The following KATNAL2 variants were observed in gnomAD, a reference collection of about 807,000 sequenced individuals.
The protein encoded by KATNAL2 is katanin catalytic subunit A1 like 2, also known as katanin p60 ATPase-containing subunit A-like 2.
A neutral mutation model predicts 76.3 loss-of-function variants in KATNAL2; 52 were observed. That is an observed-to-expected ratio of 0.68 (90% CI 0.55 to 0.86). KATNAL2 has a LOEUF of 0.86. Ranked by LOEUF, KATNAL2 falls within the 40% of genes least tolerant of loss-of-function variation. KATNAL2 has a pLI of 0.00. For synonymous variants in KATNAL2, 243 were observed against 244.2 expected (o/e 1.00, Z 0.05); for missense variants, 660 against 668.9 (o/e 0.99, Z 0.15).
chr18:47,093,816 G>A (rs1434691949), intron 15 of KATNAL2, among the ~76,000 whole-genome samples: 1 of 152,160 alleles, frequency 6.6e-6, no homozygotes, highest in Non-Finnish European at 1.5e-5. Flanking sequence ...GGCCTTGTGT[G>A]TCTTTCTTGT....
At chr18:47,067,368 A>G (rs1283384840) in intron 11 of KATNAL2, among the ~76,000 whole-genome samples, 1 of 152,224 alleles carries the variant, frequency 6.6e-6, no homozygotes, top group Non-Finnish European at 1.5e-5. Flanking sequence ...ATCTAAGACC[A>G]TAGTATACAT....
At position 47,077,470 on chromosome 18, in the gene KATNAL2, C is replaced by T; in HGVS notation, c.1211+9C>T. The T allele has an allele frequency of 1.3e-6, 2 of 1,592,360 alleles. No homozygotes were observed. Among genetic ancestry groups the T allele is most frequent in the South Asian group, 1.1e-5 (1 of 90,558 alleles). ...GCTTCTAACCTGCCGTGGTAAGAGA[C>T]CAAGAGAGTAAATTTTGAATACATT... On this transcript the variant is annotated intron_variant, in intron 15 of 17. Coordinates refer to ENST00000683218, the MANE Select transcript of KATNAL2 (RefSeq NM_001387690.1).
At chr18:47,033,213 A>T (rs2060569099) in intron 3 of KATNAL2, 4 of 1,613,744 alleles carry the variant, frequency 2.5e-6, no homozygotes, top group Non-Finnish European at 3.4e-6. Context: ...GGCTGGAGGG[A>T]GTGTGGCTGC....
chr18:46,937,532 A>G (rs909524152), intron 1 of KATNAL2, among the ~76,000 whole-genome samples: 28 of 152,228 alleles, frequency 1.8e-4, no homozygotes, highest in African/African-American at 6.7e-4. Context: ...ATAATAATGT[A>G]TCAATGTTTG....
intron 10 of KATNAL2, among the ~76,000 whole-genome samples, chr18:47,066,431 T>C (rs1007298061): frequency 6.6e-6 from 1 of 152,180 alleles, no homozygotes; most frequent in Non-Finnish European, 1.5e-5. Flanking sequence ...TTTCGCTCGG[T>C]TGTCAGCTTC....
intron 3 of KATNAL2, among the ~76,000 whole-genome samples, chr18:47,045,738 A>G (rs1485776352): frequency 6.6e-6 from 1 of 152,228 alleles, no homozygotes; most frequent in East Asian, 1.9e-4. Flanking sequence ...CCTGTATTCT[A>G]CTTAGATAAA....
intron 8 of KATNAL2, among the ~76,000 whole-genome samples, chr18:47,062,568 T>A (rs1240293676): frequency 6.6e-6 from 1 of 152,038 alleles, no homozygotes; most frequent in Non-Finnish European, 1.5e-5. Context: ...CCCAGCACTC[T>A]ATTGAGTGGT....
chr18:47,073,530 C>T (rs931163945), intron 13 of KATNAL2, among the ~76,000 whole-genome samples: 7 of 152,176 alleles, frequency 4.6e-5, no homozygotes, highest in Non-Finnish European at 1.0e-4. Context: ...GTGAAGCTTT[C>T]AAAGAAAGCA....
rs577852592 is a variant in KATNAL2 at position 47,035,251 on chromosome 18, G to A, written c.52-11206G>A. The stretch of plus-strand genomic sequence containing the variant: ...CTTCTCCACTGCGTGCAGCGTAGTG[G>A]ACCCTGCCGCCATCTCACCAGAGCT... On this transcript the variant is annotated intron_variant, in intron 3 of 17. Coordinates refer to ENST00000683218, the MANE Select transcript of KATNAL2 (RefSeq NM_001387690.1). The A allele has an allele frequency of 2.2e-5, 36 of 1,612,782 alleles. No homozygotes were observed. In the South Asian group the frequency reaches 3.7e-4, roughly 17 times the overall value.
chr18:46,955,140 C>CTCTCTCTT (rs1555834717), intron 3 of KATNAL2, among the ~76,000 whole-genome samples: 75 of 85,074 alleles, frequency 8.8e-4, no homozygotes, highest in African/African-American at 2.6e-3. Context: ...CTTTCTCTCT[C>CTCTCTCTT]TCTTTCTTTC....
chr18:47,093,401 C>CTTT lies in KATNAL2; in HGVS notation c.1212-5827_1212-5825dup, dbSNP rs557793941. On this transcript the variant is annotated intron_variant, in intron 15 of 17. Transcript: ENST00000683218. ...TATCCTCCCTTCTGTTTTCTCTGTC[C>CTTT]TTTTTTTTTTTTTTTTTGATCTCCT... Among the ~76,000 whole-genome samples the CTTT allele has an allele frequency of 4.4e-3, 562 of 127,702 alleles. 14 individuals carry two copies. The highest frequency in any genetic ancestry group is 0.015 in the African/African-American group (502 of 34,154). The allele number at this position is 127,702 out of a possible 152,430, so 83.8% of individuals were successfully genotyped here. A position where few individuals can be genotyped will look rare whatever the true frequency, so the allele number is the denominator to read the frequency against.
intron 15 of KATNAL2, among the ~76,000 whole-genome samples, chr18:47,094,566 C>T (rs1421461859): frequency 6.6e-6 from 1 of 152,126 alleles, no homozygotes; most frequent in Admixed American, 6.5e-5. Flanking sequence ...TAACAAAACC[C>T]ACAGGAAGCT....
At position 46,952,076 on chromosome 18, in the gene KATNAL2, GTTTC is replaced by G. The variant is rs371870197; in HGVS notation, c.51+5165_51+5168del. On this transcript the variant is annotated intron_variant, in intron 3 of 17. Coordinates refer to ENST00000683218, the MANE Select transcript of KATNAL2 (RefSeq NM_001387690.1). ...GCATGAGCCACCATGCTAGGCCCCA[GTTTC>G]TTTCTTTCTTTTTTAGAGACAGACA... is the stretch of plus-strand genomic sequence containing the variant. Among the ~76,000 whole-genome samples, 544 of 151,920 alleles carry G rather than the reference GTTTC, an allele frequency of 3.6e-3. 2 individuals are homozygous for G. Among genetic ancestry groups the G allele is most frequent in the Non-Finnish European group, 5.3e-3 (360 of 67,922 alleles).
At chr18:47,062,907 C>G in intron 8 of KATNAL2, 65 bp from the exon 9 acceptor site, 2 of 1,304,028 alleles carry the variant, frequency 1.5e-6, no homozygotes, top group Non-Finnish European at 2.2e-6. Context: ...TTTAATGAAA[C>G]TGAGTTATTA....
intron 3 of KATNAL2, chr18:47,032,940 C>G: frequency 6.2e-7 from 1 of 1,611,760 alleles, no homozygotes; most frequent in Non-Finnish European, 8.5e-7. Flanking sequence ...CGTTCCCCAA[C>G]CCGCATTGAC....
intron 16 of KATNAL2, among the ~76,000 whole-genome samples, chr18:47,099,644 T>C (rs929820263): frequency 2.6e-5 from 4 of 152,200 alleles, no homozygotes; most frequent in Non-Finnish European, 4.4e-5. Context: ...TCAGAGAACC[T>C]ATGGTCAAAT....
At position 46,965,588 on chromosome 18, in the gene KATNAL2, C is replaced by G. The variant is rs879115480; in HGVS notation, c.51+18665C>G. On this transcript the variant is annotated intron_variant, in intron 3 of 17. Coordinates refer to ENST00000683218, the MANE Select transcript of KATNAL2 (RefSeq NM_001387690.1). The stretch of plus-strand genomic sequence containing the variant: ...AATCCCTCTAGCATCCCCGCCCCCC[C>G]CCCCCCGCCCCCAACGGTGGCCATG... Among the ~76,000 whole-genome samples the G allele has an allele frequency of 2.0e-3, 185 of 94,346 alleles. No homozygotes were observed. In the South Asian group the frequency reaches 0.056, roughly 29 times the overall value. 61.9% of individuals were successfully genotyped at this position (94,346 alleles called of 152,430 possible). A position where few individuals can be genotyped will look rare whatever the true frequency, so the allele number is the denominator to read the frequency against.
intron 1 of KATNAL2, among the ~76,000 whole-genome samples, chr18:46,931,802 A>G (rs1425313777): frequency 1.3e-5 from 2 of 152,156 alleles, no homozygotes; most frequent in Non-Finnish European, 2.9e-5. Flanking sequence ...AAATAATTAA[A>G]TGGAAAAAAC....
chr18:46,951,271 G>C (rs1212274668), intron 3 of KATNAL2, among the ~76,000 whole-genome samples: 1 of 152,116 alleles, frequency 6.6e-6, no homozygotes, highest in African/African-American at 2.4e-5. Flanking sequence ...TTTGGGACAA[G>C]ACTCAATCAT....
Sources: allele counts gnomAD v4.1 joint callset (sites outside exome capture counted in the v4.1 genomes callset), GRCh38; gene constraint gnomAD v4.1.1; transcripts MANE v1.5; gene names NCBI Gene and HGNC (gene_info 2026-07-23, HGNC 2026-07-21).